TAF2: variants seen among roughly 807,000 people sequenced by gnomAD.
TAF2 encodes the protein TATA-box binding protein associated factor 2.
A neutral mutation model predicts 138.5 loss-of-function variants in TAF2; 61 were observed. The ratio of observed to expected loss-of-function variants is 0.44; its 90% CI spans 0.36 to 0.54. The LOEUF (loss-of-function observed/expected upper bound fraction) is 0.54, where lower values mean the gene tolerates loss of function less well. Among genes scored for constraint, TAF2 ranks in the 20% least tolerant of loss-of-function variants. TAF2 has a pLI of 0.00. For missense variants in TAF2, 1,090 were observed against 1,427.9 expected, an observed-to-expected ratio of 0.76 and a Z score of 3.81; for synonymous variants, 475 against 469.9, an observed-to-expected ratio of 1.01 and a Z score of -0.14.
At chr8:119,815,945 G>C (rs1201186737) in intron 3 of TAF2, among the ~76,000 whole-genome samples, 2 of 151,962 alleles carry the variant, frequency 1.3e-5, no homozygotes, top group African/African-American at 2.4e-5. Context: ...GCTAACAGTT[G>C]GATAAAATAG....
intron 25 of TAF2, among the ~76,000 whole-genome samples, chr8:119,740,222 T>C (rs1407379744): frequency 2.0e-5 from 3 of 152,148 alleles, no homozygotes; most frequent in Admixed American, 6.6e-5. Flanking sequence ...GCTTCCCACA[T>C]GCCAAAAGTT....
intron 18 of TAF2, among the ~76,000 whole-genome samples, chr8:119,777,228 T>C (rs1358130538): frequency 6.6e-6 from 1 of 152,178 alleles, no homozygotes; most frequent in African/African-American, 2.4e-5. Flanking sequence ...AAGGGGGTCC[T>C]GGAACCAATC....
At chr8:119,818,545 A>T (rs567809635) in intron 3 of TAF2, among the ~76,000 whole-genome samples, 1 of 152,316 alleles carries the variant, frequency 6.6e-6, no homozygotes, top group Admixed American at 6.5e-5. Context: ...ATCAGGTAAA[A>T]TACTGAAAAC....
intron 3 of TAF2, among the ~76,000 whole-genome samples, chr8:119,811,582 A>G (rs926184454): frequency 3.9e-4 from 59 of 152,036 alleles, no homozygotes; most frequent in Non-Finnish European, 5.9e-4. Context: ...CGAGGCGGGC[A>G]GATCACGAGG....
chr8:119,802,117 A>C (rs1009668729), intron 5 of TAF2, 92 bp from the exon 6 acceptor site: 9 of 1,111,934 alleles, frequency 8.1e-6, no homozygotes, highest in Non-Finnish European at 1.2e-5. Context: ...TTTCTAGAAA[A>C]TGAACAAACA....
intron 18 of TAF2, among the ~76,000 whole-genome samples, chr8:119,771,004 G>A (rs949557423): frequency 3.3e-5 from 5 of 152,164 alleles, no homozygotes; most frequent in African/African-American, 1.2e-4. Context: ...CTGGGAGGTG[G>A]AGGTTGCAGT....
chr8:119,796,188 CATA>C (rs1282748705), intron 8 of TAF2, among the ~76,000 whole-genome samples: 1 of 151,856 alleles, frequency 6.6e-6, no homozygotes, highest in Non-Finnish European at 1.5e-5. Flanking sequence ...TCCATCCATC[CATA>C]ATATTTTGCC....
intron 15 of TAF2, among the ~76,000 whole-genome samples, chr8:119,784,045 C>T (rs937235102): frequency 6.6e-6 from 1 of 152,100 alleles, no homozygotes; most frequent in African/African-American, 2.4e-5. Context: ...GACTCACGAT[C>T]GCCTTTTTCA....
intron 3 of TAF2, among the ~76,000 whole-genome samples, chr8:119,818,253 G>C (rs889296297): frequency 6.6e-6 from 1 of 152,162 alleles, no homozygotes; most frequent in Non-Finnish European, 1.5e-5. Flanking sequence ...TGGGTCTGGG[G>C]TATTGATTGA....
chr8:119,794,715 T>A (rs1198747021), intron 9 of TAF2, among the ~76,000 whole-genome samples: 1 of 152,214 alleles, frequency 6.6e-6, no homozygotes, highest in Non-Finnish European at 1.5e-5. Flanking sequence ...GTTGTGTTAC[T>A]TTGTTCTTCT....
chr8:119,797,847 C>T lies in TAF2; in HGVS notation c.793-1G>A. On this transcript the variant is annotated splice_acceptor_variant, in intron 6 of 25. Coordinates refer to ENST00000378164, the MANE Select transcript of TAF2 (RefSeq NM_003184.4). LOFTEE classifies it high-confidence loss of function. ...GTTGGGGCAAACAAAAATGAGTAACCTGAAAAGAAGAAGCAAGGAAGATCA... is the reference window on the plus strand; with the variant it reads ...GTTGGGGCAAACAAAAATGAGTAACTTGAAAAGAAGAAGCAAGGAAGATCA... 1 of 1,612,890 alleles carries T rather than the reference C, an allele frequency of 6.2e-7. No individual in the cohort carries two copies. Among genetic ancestry groups the T allele is most frequent in the Non-Finnish European group, 8.5e-7 (1 of 1,179,422 alleles).
At chr8:119,770,972 G>A (rs552230917) in intron 18 of TAF2, among the ~76,000 whole-genome samples, 1 of 152,258 alleles carries the variant, frequency 6.6e-6, no homozygotes, top group Admixed American at 6.5e-5. Flanking sequence ...ACAGGAGGCT[G>A]AGGCAGAAGA....
At chr8:119,804,070 A>C in intron 4 of TAF2, 51 bp from the exon 5 acceptor site, 1 of 1,600,060 alleles carries the variant, frequency 6.2e-7, no homozygotes, top group Non-Finnish European at 8.6e-7. Context: ...ACAGTGGTCT[A>C]TATAATAAAG....
intron 22 of TAF2, among the ~76,000 whole-genome samples, chr8:119,754,555 C>T (rs768695407): frequency 1.6e-4 from 24 of 151,962 alleles, no homozygotes; most frequent in Non-Finnish European, 2.9e-4. Flanking sequence ...TGGTGGTAGG[C>T]GCCTGTAATC....
intron 18 of TAF2, among the ~76,000 whole-genome samples, chr8:119,768,228 A>ACT (rs1408454786): frequency 6.6e-6 from 1 of 151,862 alleles, no homozygotes; most frequent in Non-Finnish European, 1.5e-5. Context: ...TCTGCCACCA[A>ACT]CTCAGCTGTT....
chr8:119,762,381 A>G, intron 19 of TAF2, 34 bp downstream of exon 19: 2 of 1,580,156 alleles, frequency 1.3e-6, no homozygotes. Flanking sequence ...AGTTATAAGA[A>G]CATATAACTT....
intron 9 of TAF2, 55 bp downstream of exon 9, chr8:119,795,477 T>G: frequency 6.9e-7 from 1 of 1,443,272 alleles, no homozygotes; most frequent in Non-Finnish European, 9.8e-7. Flanking sequence ...TTTACAGTCA[T>G]TAAAAATGGA....
chr8:119,768,852 A>T (rs115532435), intron 18 of TAF2, among the ~76,000 whole-genome samples: 1,669 of 152,296 alleles, frequency 0.011, 32 homozygotes, highest in African/African-American at 0.038. Flanking sequence ...TTCCAGCGTG[A>T]AACCACTCCA....
chr8:119,734,460 A>G (rs1340008224), intron 25 of TAF2, among the ~76,000 whole-genome samples: 1 of 152,192 alleles, frequency 6.6e-6, no homozygotes, highest in African/African-American at 2.4e-5. Flanking sequence ...ACATTGCAGT[A>G]CTAATTTTAT....
Sources: gnomAD v4.1 joint callset for allele counts (sites outside exome capture counted in the v4.1 genomes callset) on GRCh38, gnomAD v4.1.1 for gene constraint, MANE v1.5 for transcripts, NCBI Gene and HGNC (gene_info 2026-07-23, HGNC 2026-07-21) for gene names.